The following LYN variants were observed in gnomAD, a reference collection of about 807,000 sequenced individuals.
The protein encoded by LYN is LYN proto-oncogene, Src family tyrosine kinase.
A neutral mutation model predicts 65.0 loss-of-function variants in LYN; 12 were observed. That is an observed-to-expected ratio of 0.18 (90% CI 0.12 to 0.30). LYN has a LOEUF of 0.30. Ranked by LOEUF, LYN falls within the 10% of genes least tolerant of loss-of-function variation. LYN has a pLI of 1.00. For missense variants in LYN, 380 were observed against 623.2 expected (o/e 0.61, Z 4.16); for synonymous variants, 222 against 221.2 (o/e 1.00, Z -0.03).
intron 4 of LYN, among the ~76,000 whole-genome samples, chr8:55,949,379 G>T (rs1806873460): frequency 6.6e-6 from 1 of 152,268 alleles, no homozygotes; most frequent in South Asian, 2.1e-4. Flanking sequence ...TAGTTGTAAG[G>T]CTGTTTTCCT....
Position 55,916,665 on chromosome 8 carries a change from G to A in LYN, c.-5-25190G>A, listed in dbSNP as rs564445538. ...CACAATGCCTCTCCCTCCTCCCCTG[G>A]GAGTGGAGCCAGGCTGACCTCTCTC... On this transcript the variant is annotated intron_variant, in intron 1 of 12. Coordinates refer to ENST00000519728, the MANE Select transcript of LYN (RefSeq NM_002350.4). Among the ~76,000 whole-genome samples the A allele has an allele frequency of 7.9e-5, 12 of 152,232 alleles. No homozygotes were observed. In the South Asian group the frequency reaches 2.5e-3, roughly 32 times the overall value.
chr8:55,978,079 G>T (rs1240858538), intron 10 of LYN, among the ~76,000 whole-genome samples: 2 of 152,182 alleles, frequency 1.3e-5, no homozygotes, highest in African/African-American at 4.8e-5. Context: ...TTCAGCCCAA[G>T]TCTGGAGATA....
intron 1 of LYN, among the ~76,000 whole-genome samples, chr8:55,925,155 C>G (rs980626577): frequency 3.9e-5 from 6 of 152,120 alleles, no homozygotes; most frequent in Non-Finnish European, 5.9e-5. Flanking sequence ...CAGGTTCTTA[C>G]TCTGTTGCCC....
At position 55,945,257 on chromosome 8, in the gene LYN, A is replaced by G. The variant is rs113516956; in HGVS notation, c.133-1191A>G. On this transcript the variant is annotated intron_variant, in intron 2 of 12. Transcript: ENST00000519728. ...GTTTGTAAGTTAAGGGCTTTTTGAA[A>G]TTTGAAAAATCAGCTTGCTGCTTTT... Among the ~76,000 whole-genome samples the G allele has an allele frequency of 1.1e-3, 173 of 152,362 alleles. 2 individuals are homozygous for G. The highest frequency in any genetic ancestry group is 4.0e-3 in the African/African-American group (165 of 41,590).
At position 55,962,421 on chromosome 8, in the gene LYN, G is replaced by A. The variant is rs111912929; in HGVS notation, c.791-4294G>A. On this transcript the variant is annotated intron_variant, in intron 8 of 12. Transcript: ENST00000519728. ...CCTATGATGTTGGTGAGATGCATCC[G>A]TGCTTTTGGGTGTGACTACAGTTCA... Among the ~76,000 whole-genome samples, 172 of 151,608 alleles carry A rather than the reference G, an allele frequency of 1.1e-3. 1 individual carries two copies. Among genetic ancestry groups the A allele is most frequent in the African/African-American group, 3.9e-3 (162 of 41,282 alleles).
intron 10 of LYN, among the ~76,000 whole-genome samples, chr8:55,989,637 C>T (rs533404120): frequency 2.0e-5 from 3 of 152,258 alleles, no homozygotes; most frequent in African/African-American, 7.2e-5. Context: ...GAGTGCATTC[C>T]ACTCAAATGT....
chr8:55,938,167 C>T (rs1438123189), intron 1 of LYN, among the ~76,000 whole-genome samples: 2 of 152,098 alleles, frequency 1.3e-5, no homozygotes, highest in African/African-American at 4.8e-5. Context: ...GAGAAATCTC[C>T]AGCCTCACAT....
intron 1 of LYN, among the ~76,000 whole-genome samples, chr8:55,904,197 T>A (rs1298599748): frequency 6.6e-6 from 1 of 152,198 alleles, no homozygotes; most frequent in East Asian, 1.9e-4. Flanking sequence ...AACAATTTTT[T>A]AAATAAAATA....
At chr8:55,911,149 A>ATATATATGTACATATATATACGTGTG (rs1217029600) in intron 1 of LYN, among the ~76,000 whole-genome samples, 1 of 32,784 alleles carries the variant, frequency 3.1e-5, no homozygotes, top group Non-Finnish European at 4.8e-5. Context: ...ATATACGTGT[A>ATATATATGTACATATATATACGTGTG]TATATATGTA....
intron 1 of LYN, among the ~76,000 whole-genome samples, chr8:55,920,792 C>A (rs575137899): frequency 7.3e-5 from 11 of 150,584 alleles, no homozygotes; most frequent in South Asian, 2.1e-4. Context: ...CACCACCCCC[C>A]CACCGGGTTC....
Position 56,011,210 on chromosome 8 carries a change from C to A in LYN, c.*1100C>A, listed in dbSNP as rs1002549453. On this transcript the variant is annotated 3_prime_UTR_variant, in exon 13 of 13. Coordinates refer to ENST00000519728, the MANE Select transcript of LYN (RefSeq NM_002350.4). ...TGAAGGAACATAAGTGACTACAAGG[C>A]TCTAATAAGCCACGGTGGCAGGAGG... 1.3e-5 allele frequency: 3 copies of A among 227,550 alleles called. No homozygotes were observed. The highest frequency in any genetic ancestry group is 5.7e-5 in the Admixed American group (1 of 17,600). 14.1% of individuals were successfully genotyped at this position (227,550 alleles called of 1,614,324 possible). A position where few individuals can be genotyped will look rare whatever the true frequency, so the allele number is the denominator to read the frequency against.
chr8:56,008,125 A>ATAAATAAAT (rs1554519958), intron 12 of LYN, among the ~76,000 whole-genome samples: 5 of 133,608 alleles, frequency 3.7e-5, no homozygotes, highest in African/African-American at 1.5e-4. Flanking sequence ...CCTCAAAAAA[A>ATAAATAAAT]AAATAAAATA....
intron 8 of LYN, among the ~76,000 whole-genome samples, chr8:55,954,544 A>AT (rs772009829): frequency 2.2e-4 from 34 of 152,190 alleles, no homozygotes; most frequent in Non-Finnish European, 4.7e-4. Context: ...TTTAAAAAAA[A>AT]GTTTTTATAG....
chr8:55,916,508 A>T (rs1331327525), intron 1 of LYN, among the ~76,000 whole-genome samples: 2 of 152,162 alleles, frequency 1.3e-5, no homozygotes, highest in African/African-American at 4.8e-5. Context: ...CAGTGAAGAC[A>T]TGTATCTACA....
chr8:55,955,951 T>C (rs1396964307), intron 8 of LYN, among the ~76,000 whole-genome samples: 2 of 152,260 alleles, frequency 1.3e-5, no homozygotes, highest in Non-Finnish European at 2.9e-5. Flanking sequence ...TTTTTACCTT[T>C]TGACTGTTAT....
At position 55,927,506 on chromosome 8, in the gene LYN, G is replaced by T. The variant is rs959613642; in HGVS notation, c.-5-14349G>T. Among the ~76,000 whole-genome samples, 5 of 152,070 alleles carry T rather than the reference G, an allele frequency of 3.3e-5. 1 individual carries two copies. The highest frequency in any genetic ancestry group is 1.2e-4 in the African/African-American group (5 of 41,382). Reference sequence around the variant, plus strand: ...TTATTTATCCATTCACCTAATGAAGGTCATCTCAGTAGCTTCCAAGTTTTG... The same window carrying T: ...TTATTTATCCATTCACCTAATGAAGTTCATCTCAGTAGCTTCCAAGTTTTG... On this transcript the variant is annotated intron_variant, in intron 1 of 12. Coordinates refer to ENST00000519728, the MANE Select transcript of LYN (RefSeq NM_002350.4).
At chr8:55,908,064 T>C (rs1805480201) in intron 1 of LYN, among the ~76,000 whole-genome samples, 1 of 152,066 alleles carries the variant, frequency 6.6e-6, no homozygotes, top group Admixed American at 6.6e-5. Flanking sequence ...TATAAAATCC[T>C]GGGAAGGATT....
chr8:55,948,316 G>A (rs921293037), intron 4 of LYN, among the ~76,000 whole-genome samples: 12 of 152,050 alleles, frequency 7.9e-5, no homozygotes, highest in African/African-American at 2.9e-4. Context: ...AAGAAATTTG[G>A]GTCTGTGTGG....
intron 8 of LYN, among the ~76,000 whole-genome samples, chr8:55,962,864 T>G (rs1276429508): frequency 6.6e-6 from 1 of 152,184 alleles, no homozygotes; most frequent in Non-Finnish European, 1.5e-5. Flanking sequence ...TCAGGAAGCT[T>G]CCATTCAAAA....
Sources: allele counts gnomAD v4.1 joint callset (sites outside exome capture counted in the v4.1 genomes callset), GRCh38; gene constraint gnomAD v4.1.1; transcripts MANE v1.5; gene names NCBI Gene and HGNC (gene_info 2026-07-23, HGNC 2026-07-21).